The following DIP2C variants were observed in gnomAD, a reference collection of about 807,000 sequenced individuals.
DIP2C encodes disco-interacting protein 2 homolog C.
In DIP2C, 33 loss-of-function variants were observed where a neutral mutation model predicts 192.4. The ratio of observed to expected loss-of-function variants is 0.17; its 90% CI spans 0.13 to 0.23. DIP2C has a LOEUF of 0.23. DIP2C is among the 10% of genes least tolerant of loss of function. The pLI is 1.00. For synonymous variants in DIP2C, 979 were observed against 864.1 expected (o/e 1.13, Z -2.33); for missense variants, 1,537 against 2,110.1 (o/e 0.73, Z 5.32).
At chr10:661,893 C>A (rs1289601780) in intron 1 of DIP2C, 6 of 615,678 alleles carry the variant, frequency 9.7e-6, no homozygotes, top group Non-Finnish European at 1.7e-5. Flanking sequence ...AAGCACAACG[C>A]CGACCTCAGG....
chr10:289,044 G>A (rs60097692), intron 32 of DIP2C, among the ~76,000 whole-genome samples: 69 of 152,354 alleles, frequency 4.5e-4, no homozygotes, highest in African/African-American at 1.7e-3. Context: ...TTATTTTGAG[G>A]CCTTCACTAC....
At chr10:669,592 GTCTT>G (rs1314454651) in intron 1 of DIP2C, 1 of 152,202 alleles carries the variant, frequency 6.6e-6, no homozygotes, top group Non-Finnish European at 1.5e-5. Context: ...GTCACACTGT[GTCTT>G]TCTTTAAGAC....
At chr10:389,630 G>A (rs945176337) in intron 13 of DIP2C, among the ~76,000 whole-genome samples, 2 of 152,314 alleles carry the variant, frequency 1.3e-5, no homozygotes, top group Non-Finnish European at 2.9e-5. Flanking sequence ...TGTGGAGAGC[G>A]CACCTTTCAG....
intron 10 of DIP2C, among the ~76,000 whole-genome samples, chr10:396,156 C>T (rs766714603): frequency 8.5e-5 from 13 of 152,190 alleles, no homozygotes; most frequent in South Asian, 4.1e-4. Flanking sequence ...TCAAAACGTA[C>T]GGTTTATGTC....
intron 17 of DIP2C, among the ~76,000 whole-genome samples, chr10:377,466 C>T (rs1961756258): frequency 6.6e-6 from 1 of 152,254 alleles, no homozygotes; most frequent in Non-Finnish European, 1.5e-5. Context: ...CTACCTAACT[C>T]TCATGGTCTG....
chr10:511,409 T>C (rs1270904298), intron 1 of DIP2C, among the ~76,000 whole-genome samples: 1 of 152,214 alleles, frequency 6.6e-6, no homozygotes, highest in Non-Finnish European at 1.5e-5. Flanking sequence ...GCAACCTTAA[T>C]ATCAGATTCA....
chr10:589,246 G>A (rs912306935), intron 1 of DIP2C, among the ~76,000 whole-genome samples: 4 of 152,152 alleles, frequency 2.6e-5, no homozygotes, highest in African/African-American at 7.2e-5. Flanking sequence ...TTTGCCAGCT[G>A]CATGATTTGT....
chr10:667,736 T>C (rs918542630), intron 1 of DIP2C: 1 of 150,068 alleles, frequency 6.7e-6, no homozygotes, highest in Non-Finnish European at 1.5e-5. Flanking sequence ...ACATGTACAA[T>C]GCACTCATAC....
At chr10:507,112 C>T (rs1450184488) in intron 1 of DIP2C, among the ~76,000 whole-genome samples, 1 of 149,316 alleles carries the variant, frequency 6.7e-6, no homozygotes, top group Non-Finnish European at 1.5e-5. Context: ...GAGAGGTATG[C>T]GAGGTTAGGG....
intron 26 of DIP2C, among the ~76,000 whole-genome samples, chr10:346,354 T>G (rs1341683779): frequency 5.9e-4 from 14 of 23,756 alleles, no homozygotes; most frequent in Non-Finnish European, 6.1e-4. Context: ...AACCCCACAC[T>G]CACCCAACCC....
At chr10:309,977 C>A (rs150410788) in intron 32 of DIP2C, 54 bp downstream of exon 32, 24 of 1,563,564 alleles carry the variant, frequency 1.5e-5, no homozygotes, top group Non-Finnish European at 2.0e-5. Flanking sequence ...CATGCAAGGC[C>A]GCAGAACAAA....
chr10:372,202 A>C (rs1961048126), intron 17 of DIP2C, among the ~76,000 whole-genome samples: 1 of 151,712 alleles, frequency 6.6e-6, no homozygotes, highest in Admixed American at 6.6e-5. Context: ...CAGCCTCCTG[A>C]ATAGCTGGGA....
At chr10:335,113 TAAA>T (rs1408494839) in intron 29 of DIP2C, among the ~76,000 whole-genome samples, 2 of 152,218 alleles carry the variant, frequency 1.3e-5, no homozygotes, top group African/African-American at 2.4e-5. Context: ...GGTGTAATCT[TAAA>T]AAATATTTTG....
At chr10:368,925 C>A (rs535096381) in intron 18 of DIP2C, among the ~76,000 whole-genome samples, 1 of 152,358 alleles carries the variant, frequency 6.6e-6, no homozygotes, top group East Asian at 1.9e-4. Flanking sequence ...AATGGTAAAG[C>A]GGCTCCTGGG....
At chr10:308,291 C>T (rs1956418571) in intron 32 of DIP2C, among the ~76,000 whole-genome samples, 1 of 149,670 alleles carries the variant, frequency 6.7e-6, no homozygotes, top group South Asian at 2.1e-4. Flanking sequence ...TGGGTGCCGA[C>T]CAGAGGCATG....
chr10:495,102 C>T (rs576895826), intron 1 of DIP2C, among the ~76,000 whole-genome samples: 21 of 152,282 alleles, frequency 1.4e-4, no homozygotes, highest in Middle Eastern at 3.4e-3. Context: ...GAAGATATTA[C>T]GCTAAGTGAA....
At chr10:417,937 T>C (rs561266323) in intron 6 of DIP2C, among the ~76,000 whole-genome samples, 2,662 of 25,666 alleles carry the variant, frequency 0.1, 109 homozygotes, top group East Asian at 0.15. Flanking sequence ...TGTCAGGGCT[T>C]CGATAGGCCT....
chr10:596,690 G>C (rs1169029498), intron 1 of DIP2C, among the ~76,000 whole-genome samples: 2 of 152,068 alleles, frequency 1.3e-5, no homozygotes, highest in Admixed American at 1.3e-4. Flanking sequence ...ACTGTGAATG[G>C]AATCGGCATA....
chr10:683,108 C>T lies in DIP2C; in HGVS notation c.85+6386G>A, dbSNP rs1831190739. Among the ~76,000 whole-genome samples the T allele has an allele frequency of 2.0e-5, 3 of 152,204 alleles. No homozygotes were observed. In the South Asian group the frequency reaches 6.2e-4, roughly 32 times the overall value. ...CGCAGCCCAAAACCGAAGCAGCAACCCCCAGCGAAGGGAAAATGAGAGGCT... is the reference window on the plus strand; with the variant it reads ...CGCAGCCCAAAACCGAAGCAGCAACTCCCAGCGAAGGGAAAATGAGAGGCT... On this transcript the variant is annotated intron_variant, in intron 1 of 36. Transcript: ENST00000280886.
Sources: allele counts gnomAD v4.1 joint callset (sites outside exome capture counted in the v4.1 genomes callset), GRCh38; gene constraint gnomAD v4.1.1; transcripts MANE v1.5; gene names NCBI Gene and HGNC (gene_info 2026-07-23, HGNC 2026-07-21).